Variants in CHD6 observed in about 807,000 individuals in gnomAD.
CHD6 encodes ATP-dependent chromatin remodeler CHD6.
A neutral mutation model predicts 276.9 loss-of-function variants in CHD6; 50 were observed. The ratio of observed to expected loss-of-function variants is 0.18; its 90% CI spans 0.14 to 0.23. The LOEUF (loss-of-function observed/expected upper bound fraction) is 0.23, where lower values mean the gene tolerates loss of function less well. CHD6 is among the 10% of genes least tolerant of loss of function. The pLI is 1.00. For missense variants in CHD6, 2,564 were observed against 3,365.8 expected, an observed-to-expected ratio of 0.76 and a Z score of 5.89; for synonymous variants, 1,173 against 1,229.3, an observed-to-expected ratio of 0.95 and a Z score of 0.96.
intron 27 of CHD6, among the ~76,000 whole-genome samples, chr20:41,428,489 C>T (rs1383266891): frequency 2.6e-5 from 4 of 152,108 alleles, no homozygotes; most frequent in African/African-American, 9.7e-5. Context: ...GAGAAGGGCC[C>T]CAGAGTGCTG....
chr20:41,594,203 T>C (rs1452853602), intron 1 of CHD6, among the ~76,000 whole-genome samples: 2 of 152,200 alleles, frequency 1.3e-5, no homozygotes, highest in African/African-American at 4.8e-5. Context: ...CCTTTTTACC[T>C]AGCTGCAGCT....
intron 1 of CHD6, among the ~76,000 whole-genome samples, chr20:41,553,696 C>T (rs942001906): frequency 3.9e-5 from 6 of 152,332 alleles, no homozygotes; most frequent in Admixed American, 6.5e-5. Context: ...GTTTCATCTG[C>T]GATTGCGTAC....
intron 17 of CHD6, among the ~76,000 whole-genome samples, chr20:41,458,194 T>C (rs565634518): frequency 2.2e-4 from 33 of 152,324 alleles, no homozygotes; most frequent in African/African-American, 6.7e-4. Context: ...TTGATGATCA[T>C]TGCCTAGATC....
At position 41,455,815 on chromosome 20, in the gene CHD6, C is replaced by A; in HGVS notation, c.2994G>T (p.Gly998=). ...GGCCCTGTACCTTGGCAAAAGTGGA[C>A]CCTTTCCCCTCAGACTGGATGGTGA... ...HTITIQSEGK[G]STFAKASFVA... Residue 998 remains glycine (G), a synonymous_variant, in exon 19 of 37, where the codon GGG becomes GGT. Coordinates refer to ENST00000373233, the MANE Select transcript of CHD6 (RefSeq NM_032221.5). The A allele has an allele frequency of 6.3e-7, 1 of 1,590,280 alleles. No homozygotes were observed. Among genetic ancestry groups the A allele is most frequent in the Non-Finnish European group, 8.5e-7 (1 of 1,169,830 alleles).
chr20:41,563,047 C>T (rs931929619), intron 1 of CHD6, among the ~76,000 whole-genome samples: 1 of 152,206 alleles, frequency 6.6e-6, no homozygotes, highest in African/African-American at 2.4e-5. Context: ...AGACTCTACT[C>T]CTCAAAAGAA....
At chr20:41,476,756 G>T (rs937044297) in intron 16 of CHD6, among the ~76,000 whole-genome samples, 1 of 151,140 alleles carries the variant, frequency 6.6e-6, no homozygotes, top group South Asian at 2.1e-4. Flanking sequence ...TGAAAAGCAT[G>T]TTCTTTGATT....
At chr20:41,549,980 T>C (rs1335678966) in intron 2 of CHD6, among the ~76,000 whole-genome samples, 1 of 152,234 alleles carries the variant, frequency 6.6e-6, no homozygotes, top group African/African-American at 2.4e-5. Flanking sequence ...TTTGTATTTT[T>C]AGTAGAGACG....
chr20:41,447,129 CCTCT>C (rs2048094576), intron 24 of CHD6, among the ~76,000 whole-genome samples: 1 of 152,146 alleles, frequency 6.6e-6, no homozygotes. Context: ...TGTCTATGTC[CCTCT>C]CTCTCTTACT....
intron 3 of CHD6, among the ~76,000 whole-genome samples, chr20:41,525,054 C>A (rs762034566): frequency 1.3e-5 from 2 of 152,164 alleles, no homozygotes; most frequent in Non-Finnish European, 2.9e-5. Flanking sequence ...AATACAGGTG[C>A]CTGGTGAGGC....
chr20:41,438,349 G>C lies in CHD6; in HGVS notation c.4008-1015C>G, dbSNP rs980418505. On this transcript the variant is annotated intron_variant, in intron 26 of 36. Coordinates refer to ENST00000373233, the MANE Select transcript of CHD6 (RefSeq NM_032221.5). The stretch of plus-strand genomic sequence containing the variant: ...TCACACCTGTAATCCCAGCCCTTAG[G>C]GAGGCTGAGGTGGGCGGATCACCTG... Among the ~76,000 whole-genome samples, 5 of 152,170 alleles carry C rather than the reference G, an allele frequency of 3.3e-5. No individual in the cohort carries two copies. The East Asian group carries it at 9.6e-4, about 29-fold the overall frequency.
intron 1 of CHD6, among the ~76,000 whole-genome samples, chr20:41,592,842 C>T (rs893041229): frequency 1.3e-5 from 2 of 152,162 alleles, no homozygotes; most frequent in African/African-American, 4.8e-5. Flanking sequence ...TGTGAGCTAA[C>T]ATACCTTAGT....
At chr20:41,567,547 C>T (rs751728512) in intron 1 of CHD6, among the ~76,000 whole-genome samples, 31 of 151,974 alleles carry the variant, frequency 2.0e-4, no homozygotes, top group Non-Finnish European at 4.1e-4. Context: ...GTACACTCTC[C>T]TGATCCCCAA....
chr20:41,559,346 G>GTTTAACTC (rs1421233621), intron 1 of CHD6, among the ~76,000 whole-genome samples: 1 of 152,118 alleles, frequency 6.6e-6, no homozygotes, highest in East Asian at 1.9e-4. Context: ...AAAGAAACAG[G>GTTTAACTC]TTTAACTCTA....
intron 35 of CHD6, 59 bp from the exon 36 acceptor site, chr20:41,412,322 G>C: frequency 6.3e-7 from 1 of 1,583,860 alleles, no homozygotes; most frequent in Non-Finnish European, 8.6e-7. Context: ...CTTCTGATGA[G>C]GCTGATGCTT....
intron 1 of CHD6, among the ~76,000 whole-genome samples, chr20:41,602,607 A>G (rs1390958554): frequency 1.3e-5 from 2 of 152,180 alleles, no homozygotes; most frequent in Non-Finnish European, 2.9e-5. Context: ...TGCTCCTCGC[A>G]CTGTCATGCT....
At chr20:41,417,170 A>G (rs3817889) in intron 32 of CHD6, 28 bp downstream of exon 32, 30,124 of 1,592,866 alleles carry the variant, frequency 0.019, 418 homozygotes, top group East Asian at 0.047. Flanking sequence ...GTTTGGGGGT[A>G]GGGTGGGAAA....
Position 41,533,128 on chromosome 20 carries a change from T to C in CHD6, c.476A>G (p.Glu159Gly). The C allele has an allele frequency of 1.9e-6, 3 of 1,614,194 alleles. No homozygotes were observed. Among genetic ancestry groups the C allele is most frequent in the Non-Finnish European group, 2.5e-6 (3 of 1,180,030 alleles). Residue 159 changes from glutamate (E) to glycine (G), a missense_variant, in exon 3 of 37, where the codon GAG becomes GGG. Glu to Gly is a moderately conservative substitution (Grantham distance 98). Around this residue, in one of 7 missense-constraint regions of CHD6, gnomAD observed 286 missense variants for 297.8 expected, o/e 0.96. Coordinates refer to ENST00000373233, the MANE Select transcript of CHD6 (RefSeq NM_032221.5). ...DGAKKARKPR[E>G]ASGTKEAKEK... is the part of the protein sequence containing the mutation. ...TTTGGCCTCCTTGGTGCCCGAGGCC[T>C]CCCGGGGCTTCCGTGCCTTCTTTGC...
chr20:41,596,532 T>C (rs1399879574), intron 1 of CHD6, among the ~76,000 whole-genome samples: 1 of 151,936 alleles, frequency 6.6e-6, no homozygotes, highest in Non-Finnish European at 1.5e-5. Flanking sequence ...AAAATATCCC[T>C]GCAGCAGAAC....
chr20:41,554,959 G>A (rs1395790900), intron 1 of CHD6, among the ~76,000 whole-genome samples: 19 of 151,592 alleles, frequency 1.3e-4, no homozygotes, highest in Non-Finnish European at 2.1e-4. Context: ...AGGGGCAGCC[G>A]GGCAGAGGCG....
Sources: allele counts gnomAD v4.1 joint callset (sites outside exome capture counted in the v4.1 genomes callset), GRCh38; gene constraint gnomAD v4.1.1; regional missense constraint gnomAD v4.1.1; transcripts MANE v1.5; gene names NCBI Gene and HGNC (gene_info 2026-07-23, HGNC 2026-07-21).